Variants in SASH1 observed in about 807,000 individuals in gnomAD.
SASH1 encodes the protein SAM and SH3 domain containing 1, also known as SAM and SH3 domain-containing protein 1.
SASH1 carries 44 observed loss-of-function variants against 125.2 expected under a neutral mutation model. That is an observed-to-expected ratio of 0.35 (90% CI 0.28 to 0.45). SASH1 has a LOEUF of 0.45. Ranked by LOEUF, SASH1 falls within the 20% of genes least tolerant of loss-of-function variation. SASH1 has a pLI of 1.00. For missense variants in SASH1, 1,426 were observed against 1,614.5 expected (o/e 0.88, Z 2.00); for synonymous variants, 639 against 649.1 (o/e 0.98, Z 0.24).
intron 16 of SASH1, among the ~76,000 whole-genome samples, chr6:148,539,912 A>G (rs1238023589): frequency 6.6e-6 from 1 of 152,180 alleles, no homozygotes; most frequent in Non-Finnish European, 1.5e-5. Flanking sequence ...GCTGAGGGCT[A>G]AGAATGCTCC....
chr6:148,244,252 C>A, the SASH1 span, among the ~76,000 whole-genome samples: 1 of 152,182 alleles, frequency 6.6e-6, no homozygotes, highest in Admixed American at 6.5e-5. Flanking sequence ...GCTTAGACTC[C>A]TGGAAGCCTA....
chr6:148,273,989 T>C (rs1779125972), intron 1 of SASH1, among the ~76,000 whole-genome samples: 1 of 152,216 alleles, frequency 6.6e-6, no homozygotes, highest in Non-Finnish European at 1.5e-5. Flanking sequence ...CTTGGGCAAA[T>C]TTCTCCTTGC....
the SASH1 span, among the ~76,000 whole-genome samples, chr6:148,218,022 A>AT: frequency 2.6e-5 from 4 of 151,296 alleles, no homozygotes; most frequent in Non-Finnish European, 4.4e-5. Flanking sequence ...CTCAAAAAAA[A>AT]AAAAATAAAT....
chr6:148,387,585 T>C (rs1187947683), intron 1 of SASH1, among the ~76,000 whole-genome samples: 2 of 6,868 alleles, frequency 2.9e-4, no homozygotes, highest in East Asian at 2.0e-3. Context: ...TCTTTCTTTC[T>C]TTCTTTCTTT....
intron 1 of SASH1, among the ~76,000 whole-genome samples, chr6:148,302,308 T>C (rs1779980720): frequency 2.1e-5 from 1 of 47,730 alleles, no homozygotes; most frequent in African/African-American, 8.3e-5. Flanking sequence ...CAAGACTCCG[T>C]CTCAAAAAAA....
At chr6:148,494,745 G>A (rs192622125) in intron 8 of SASH1, among the ~76,000 whole-genome samples, 2 of 152,270 alleles carry the variant, frequency 1.3e-5, no homozygotes, top group East Asian at 1.9e-4. Flanking sequence ...TCAACCATAT[G>A]TACATTTTTG....
chr6:148,537,774 T>TTGTG (rs1173037021), intron 16 of SASH1, among the ~76,000 whole-genome samples: 7 of 110,738 alleles, frequency 6.3e-5, no homozygotes, highest in African/African-American at 2.3e-4. Context: ...TCTTAGCATA[T>TTGTG]TCTGTGTGTG....
At chr6:148,511,371 A>C (rs1246827116) in intron 8 of SASH1, among the ~76,000 whole-genome samples, 2 of 126,824 alleles carry the variant, frequency 1.6e-5, no homozygotes, top group Non-Finnish European at 3.4e-5. Context: ...ACACACACAC[A>C]CACCTTGGAT....
rs956493140 is a variant in SASH1, at chr6:148,416,568, A to G, written c.286-23616A>G. Among the ~76,000 whole-genome samples the G allele has an allele frequency of 2.2e-4, 33 of 152,278 alleles. 3 individuals carry two copies. The highest frequency in any genetic ancestry group is 1.6e-3 in the Admixed American group (24 of 15,296). ...ACCCTTCACAAGTGTTACCTAATTAACGGCACAATGTCTGACAGGTGGCAG... is the reference window on the plus strand; with the variant it reads ...ACCCTTCACAAGTGTTACCTAATTAGCGGCACAATGTCTGACAGGTGGCAG... On this transcript the variant is annotated intron_variant, in intron 2 of 19. Transcript: ENST00000367467.
chr6:148,385,093 A>C (rs893825224), intron 1 of SASH1, among the ~76,000 whole-genome samples: 3 of 152,188 alleles, frequency 2.0e-5, no homozygotes, highest in African/African-American at 7.2e-5. Context: ...GGACTGATGA[A>C]AGTGGTAATT....
chr6:148,233,725 T>C, the SASH1 span, among the ~76,000 whole-genome samples: 1 of 86,504 alleles, frequency 1.2e-5, no homozygotes, highest in South Asian at 4.3e-4. Context: ...GGAGCTATGA[T>C]GGCAGCTTCC....
intron 1 of SASH1, among the ~76,000 whole-genome samples, chr6:148,318,773 G>T (rs4574664): frequency 0.22 from 34,118 of 151,680 alleles, 3,981 homozygotes; most frequent in East Asian, 0.33. Context: ...GGATGGTCTC[G>T]ATCTCTTGAC....
chr6:148,421,134 GAAGGAAGGAAGGAAGAAAGA>G (rs1167202261), intron 2 of SASH1, among the ~76,000 whole-genome samples: 3,156 of 95,298 alleles, frequency 0.033, 95 homozygotes, highest in Non-Finnish European at 0.037. Context: ...AGAAAGGAAG[GAAGGAAGGAAGGAAGAAAGA>G]AAGAAAGAAA....
intron 8 of SASH1, chr6:148,513,817 G>C: frequency 1.0e-6 from 1 of 986,244 alleles, no homozygotes; most frequent in African/African-American, 1.7e-5. Context: ...GGAAGAGGCT[G>C]TTTGCATCTC....
At chr6:148,516,808 C>T (rs1335410515) in intron 9 of SASH1, among the ~76,000 whole-genome samples, 2 of 152,116 alleles carry the variant, frequency 1.3e-5, no homozygotes, top group African/African-American at 4.8e-5. Flanking sequence ...GTCCAGGCAG[C>T]CTGCTCCCTG....
intron 6 of SASH1, 92 bp from the exon 7 acceptor site, chr6:148,474,018 T>G: frequency 2.4e-6 from 2 of 823,014 alleles, no homozygotes; most frequent in Non-Finnish European, 4.0e-6. Context: ...AGCAACATTC[T>G]TCTCTAGCCC....
the SASH1 span, among the ~76,000 whole-genome samples, chr6:148,218,771 C>A: frequency 6.6e-6 from 1 of 152,200 alleles, no homozygotes; most frequent in East Asian, 1.9e-4. Flanking sequence ...AGTTCAGAGT[C>A]CACACCACCT....
the SASH1 span, among the ~76,000 whole-genome samples, chr6:148,194,489 C>G: frequency 6.6e-6 from 1 of 152,194 alleles, no homozygotes; most frequent in Admixed American, 6.5e-5. Flanking sequence ...CTTTTCGTGG[C>G]AACGATGTGA....
intron 2 of SASH1, among the ~76,000 whole-genome samples, chr6:148,413,690 G>T (rs1784711863): frequency 6.6e-6 from 1 of 152,092 alleles, no homozygotes; most frequent in Non-Finnish European, 1.5e-5. Flanking sequence ...AGAACATTTA[G>T]TCAAGAAGTT....
Sources: gnomAD v4.1 joint callset for allele counts (sites outside exome capture counted in the v4.1 genomes callset) on GRCh38, gnomAD v4.1.1 for gene constraint, MANE v1.5 for transcripts, NCBI Gene and HGNC (gene_info 2026-07-23, HGNC 2026-07-21) for gene names.